Variants in ZZEF1 observed in about 807,000 individuals in gnomAD.
The protein encoded by ZZEF1 is zinc finger ZZ-type and EF-hand domain containing 1, also known as zinc finger ZZ-type and EF-hand domain-containing protein 1.
A neutral mutation model predicts 342.8 loss-of-function variants in ZZEF1; 157 were observed. The ratio of observed to expected loss-of-function variants is 0.46; its 90% CI spans 0.40 to 0.52. The LOEUF is 0.52. Among genes scored for constraint, ZZEF1 ranks in the 20% least tolerant of loss-of-function variants. ZZEF1 has a pLI of 0.00. For synonymous variants in ZZEF1, 1,505 were observed against 1,429.1 expected, an observed-to-expected ratio of 1.05 and a Z score of -1.20; for missense variants, 3,480 against 3,725.6, an observed-to-expected ratio of 0.93 and a Z score of 1.72.
At position 4,034,183 on chromosome 17, in the gene ZZEF1, A is replaced by G; in HGVS notation, c.6416T>C (p.Leu2139Pro). Residue 2139 changes from leucine (L) to proline (P), a missense_variant, in exon 40 of 55, where the codon CTT becomes CCT. By Grantham distance (98) the Leu-to-Pro change is moderately conservative. Around this residue, in one of 5 missense-constraint regions of ZZEF1, gnomAD observed 1,269 missense variants for 1,342.4 expected, o/e 0.95. Transcript: ENST00000381638. ...AAGACGGATAATTAACTGGCCGAGAAGACCCAGGGTGAGATGGTAGGTTTC... is the reference window on the plus strand; with the variant it reads ...AAGACGGATAATTAACTGGCCGAGAGGACCCAGGGTGAGATGGTAGGTTTC... ...LNETYHLTLG[L>P]LGQLIIRLLP... 6.2e-7 allele frequency: 1 copy of G among 1,614,204 alleles called. No homozygotes were observed.
At chr17:4,012,596 C>T (rs1471611838) in intron 52 of ZZEF1, among the ~76,000 whole-genome samples, 1 of 152,168 alleles carries the variant, frequency 6.6e-6, no homozygotes, top group African/African-American at 2.4e-5. Flanking sequence ...CACCTTCTCT[C>T]ACAGATGAGG....
chr17:4,010,649 C>T (rs1280982371), intron 52 of ZZEF1, among the ~76,000 whole-genome samples: 1 of 134,236 alleles, frequency 7.4e-6, no homozygotes, highest in Non-Finnish European at 1.5e-5. Flanking sequence ...TGCTTGAACC[C>T]TGAAGGTGGA....
rs568666850 is a variant in ZZEF1, at chr17:4,101,972, G to C, written c.1672+345C>G. Among the ~76,000 whole-genome samples the C allele has an allele frequency of 9.2e-5, 14 of 152,192 alleles. 1 individual carries two copies. The South Asian group carries it at 1.2e-3, about 14-fold the overall frequency. On this transcript the variant is annotated intron_variant, in intron 9 of 54. Coordinates refer to ENST00000381638, the MANE Select transcript of ZZEF1 (RefSeq NM_015113.4). ...AACTATGTTTTCAGTCAGTAGTAAA[G>C]TGCTACTGATCTGCTGAGTTTCCTA...
At chr17:4,021,035 G>A in intron 45 of ZZEF1, 94 bp downstream of exon 45, 1 of 1,339,496 alleles carries the variant, frequency 7.5e-7, no homozygotes. Flanking sequence ...GCAGACAGAA[G>A]CATTTTCATG....
chr17:4,043,826 G>A (rs576326484), intron 38 of ZZEF1, among the ~76,000 whole-genome samples: 1 of 152,286 alleles, frequency 6.6e-6, no homozygotes, highest in East Asian at 1.9e-4. Context: ...GCCCCAGAGA[G>A]ACACCAATCA....
Position 4,017,958 on chromosome 17 carries a change from C to T in ZZEF1, c.7519G>A (p.Glu2507Lys). The T allele has an allele frequency of 6.2e-7, 1 of 1,613,610 alleles. No individual in the cohort carries two copies. The highest frequency in any genetic ancestry group is 8.5e-7 in the Non-Finnish European group (1 of 1,180,030). Residue 2507 changes from glutamate to lysine, a missense_variant, in exon 47 of 55, where the codon GAG becomes AAG. Coordinates refer to ENST00000381638, the MANE Select transcript of ZZEF1 (RefSeq NM_015113.4). The surrounding 1 kb of genome is among the most constrained non-coding windows in gnomAD (Gnocchi z 5.1). ...CGTATCCTTTCATCTGTGGTGAGCT[C>T]ATCACCATCAAACCTGCAGAAGGGC... Reference protein sequence around the residue: ...LEVQKRFDGDELTTDERIRSL... With the variant: ...LEVQKRFDGDKLTTDERIRSL...
chr17:4,031,990 A>G (rs2056558805), intron 42 of ZZEF1, 136 bp downstream of exon 42: 3 of 895,512 alleles, frequency 3.4e-6, no homozygotes, highest in Non-Finnish European at 5.0e-6. Flanking sequence ...AGGAAAAAGA[A>G]GCTCGGGGAG....
At position 4,142,590 on chromosome 17, in the gene ZZEF1, C is replaced by T. The variant is rs1302969123; in HGVS notation, c.306G>A (p.Glu102=). Residue 102 remains glutamate, a synonymous_variant, in exon 1 of 55, where the codon GAG becomes GAA. Transcript: ENST00000381638. ...AGCCGGCGCCGCGAGCCTCCAGCAG[C>T]TCCCGGAACTGCTCCAGAGTGACAG... ...EESVTLEQFR[E]LLEARGAGCS... The T allele has an allele frequency of 1.2e-6, 2 of 1,604,926 alleles. No homozygotes were observed. Among genetic ancestry groups the T allele is most frequent in the Non-Finnish European group, 1.7e-6 (2 of 1,179,736 alleles).
intron 9 of ZZEF1, among the ~76,000 whole-genome samples, chr17:4,097,032 C>T (rs1018571354): frequency 2.6e-5 from 4 of 151,820 alleles, no homozygotes; most frequent in Admixed American, 6.6e-5. Context: ...GAGGCCGAGG[C>T]GGGTGGATCA....
In ZZEF1 at chr17:4,005,670, T is replaced by C. The variant is rs1315207970; in HGVS notation, c.*1220A>G. Reference sequence around the variant, plus strand: ...CACGGGGCACACTGGGCCATGGCAATGCTGACCTGGTCAAGCTTGGCCTTG... The same window carrying C: ...CACGGGGCACACTGGGCCATGGCAACGCTGACCTGGTCAAGCTTGGCCTTG... On this transcript the variant is annotated 3_prime_UTR_variant, in exon 55 of 55. Transcript: ENST00000381638. 6.6e-6 allele frequency: 1 copy of C among 152,458 alleles called. No individual in the cohort carries two copies. The highest frequency in any genetic ancestry group is 1.9e-4 in the East Asian group (1 of 5,164). The allele number at this position is 152,458 out of a possible 1,614,324, so 9.4% of individuals were successfully genotyped here.
intron 1 of ZZEF1, among the ~76,000 whole-genome samples, chr17:4,132,124 A>G (rs1372153027): frequency 6.6e-6 from 1 of 152,062 alleles, no homozygotes; most frequent in Non-Finnish European, 1.5e-5. Context: ...GCAGGAAAGC[A>G]TTGTTTCTTG....
At chr17:4,066,634 C>A in intron 27 of ZZEF1, 94 bp from the exon 28 acceptor site, 1 of 993,340 alleles carries the variant, frequency 1.0e-6, no homozygotes, top group Non-Finnish European at 1.6e-6. Context: ...AGCACTGACA[C>A]CACAGAGTAC....
intron 37 of ZZEF1, among the ~76,000 whole-genome samples, chr17:4,045,151 C>A (rs1456117419): frequency 6.7e-6 from 1 of 149,496 alleles, no homozygotes; most frequent in Non-Finnish European, 1.5e-5. Flanking sequence ...AAGACTCTGT[C>A]TCAAAAAAAA....
intron 13 of ZZEF1, 56 bp downstream of exon 13, chr17:4,088,622 A>G: frequency 6.3e-7 from 1 of 1,577,080 alleles, no homozygotes; most frequent in Non-Finnish European, 8.6e-7. Flanking sequence ...ATTTCTCTGA[A>G]TACTGTCATT....
At chr17:4,095,768 T>C in intron 11 of ZZEF1, 63 bp downstream of exon 11, 1 of 1,517,984 alleles carries the variant, frequency 6.6e-7, no homozygotes, top group South Asian at 1.3e-5. Flanking sequence ...AATACATTCT[T>C]ATTAACTACA....
At position 4,064,304 on chromosome 17, in the gene ZZEF1, G is replaced by C. The variant is rs1410513536; in HGVS notation, c.4718+57C>G. ...AACATGAACTTCAAGCCTCTGACTA[G>C]ACTGGGTACCTACGGCTTAAAAAGA... is the stretch of plus-strand genomic sequence containing the variant. On this transcript the variant is annotated intron_variant, in intron 29 of 54. Coordinates refer to ENST00000381638, the MANE Select transcript of ZZEF1 (RefSeq NM_015113.4). 3.7e-6 allele frequency: 5 copies of C among 1,367,538 alleles called. No homozygotes were observed. In the African/African-American group the frequency reaches 7.2e-5, roughly 20 times the overall value. The allele number at this position is 1,367,538 out of a possible 1,614,324, so 84.7% of individuals were successfully genotyped here. A position where few individuals can be genotyped will look rare whatever the true frequency, so the allele number is the denominator to read the frequency against.
At chr17:4,072,573 C>T in intron 25 of ZZEF1, 35 bp downstream of exon 25, 1 of 1,570,572 alleles carries the variant, frequency 6.4e-7, no homozygotes, top group Non-Finnish European at 8.6e-7. Flanking sequence ...AGGCAGTTTC[C>T]AGTCTAAATA....
chr17:4,054,148 G>A lies in ZZEF1; in HGVS notation c.5343C>T (p.Ile1781=). The part of the protein sequence containing the change: ...ARYCDLLNVD[I]SCDGCDEIAP... ...CAATCTCATCACACCCATCACAAGA[G>A]ATGTCCACATTTAACAGGTCACAGT... The change falls in exon 34 of 55, where the codon ATC becomes ATT. Residue 1781 remains isoleucine (I), a synonymous_variant. Transcript: ENST00000381638. The A allele has an allele frequency of 1.2e-6, 2 of 1,613,980 alleles. No individual in the cohort carries two copies. The highest frequency in any genetic ancestry group is 1.7e-6 in the Non-Finnish European group (2 of 1,179,936).
chr17:4,009,691 C>T lies in ZZEF1; in HGVS notation c.8646G>A (p.Leu2882=). 6.2e-7 allele frequency: 1 copy of T among 1,614,108 alleles called. No individual in the cohort carries two copies. Among genetic ancestry groups the T allele is most frequent in the South Asian group, 1.1e-5 (1 of 91,072 alleles). ...WQLFTHMEYG[L]FEDVTQPGIL... is the part of the protein sequence containing the mutation. ...TGCCGGGCTGCGTCACGTCCTCAAA[C>T]AGGCCGTACTCCATGTGGGTAAAGA... The change falls in exon 53 of 55, where the codon CTG becomes CTA. Residue 2882 remains leucine (L), a synonymous_variant. Transcript: ENST00000381638.
Sources: allele counts gnomAD v4.1 joint callset (sites outside exome capture counted in the v4.1 genomes callset), GRCh38; gene constraint gnomAD v4.1.1; regional missense constraint gnomAD v4.1.1; non-coding constraint Gnocchi (gnomAD v3.1); transcripts MANE v1.5; gene names NCBI Gene and HGNC (gene_info 2026-07-23, HGNC 2026-07-21).